The following GLIS3 variants were observed in gnomAD, a reference collection of about 807,000 sequenced individuals.
The protein encoded by GLIS3 is zinc finger protein GLIS3.
A neutral mutation model predicts 78.6 loss-of-function variants in GLIS3; 53 were observed. The observed-to-expected ratio is 0.67, with a 90% CI of 0.54 to 0.85. The LOEUF is 0.85. GLIS3 is among the 40% of genes least tolerant of loss of function. The pLI is 0.00. For missense variants in GLIS3, 1,703 were observed against 1,231.1 expected (o/e 1.38, Z -5.74); for synonymous variants, 684 against 509.9 (o/e 1.34, Z -4.60).
At chr9:4,416,984 T>C in the GLIS3 span, among the ~76,000 whole-genome samples, 1 of 152,132 alleles carries the variant, frequency 6.6e-6, no homozygotes, top group Non-Finnish European at 1.5e-5. Flanking sequence ...TGTGAATTTA[T>C]CTGCCAGTGT....
chr9:4,057,350 T>A (rs887904438), intron 4 of GLIS3, among the ~76,000 whole-genome samples: 4 of 152,194 alleles, frequency 2.6e-5, no homozygotes, highest in African/African-American at 9.7e-5. Context: ...CTCGTTCTCC[T>A]TTATTTAGGA....
chr9:4,275,117 C>T (rs1826864037), intron 2 of GLIS3, among the ~76,000 whole-genome samples: 1 of 152,078 alleles, frequency 6.6e-6, no homozygotes, highest in African/African-American at 2.4e-5. Flanking sequence ...TTAAAGACTT[C>T]ATATAGATAG....
At chr9:3,972,594 C>T (rs1262629998) in intron 4 of GLIS3, among the ~76,000 whole-genome samples, 1 of 152,054 alleles carries the variant, frequency 6.6e-6, no homozygotes, top group East Asian at 1.9e-4. Context: ...GATAGATTAT[C>T]ATAGGGTTAC....
intron 4 of GLIS3, among the ~76,000 whole-genome samples, chr9:4,023,141 C>A (rs1588472877): frequency 6.6e-6 from 1 of 152,128 alleles, no homozygotes; most frequent in Admixed American, 6.5e-5. Context: ...CTCCAGTGAT[C>A]AAATCTTTTT....
At chr9:4,425,179 A>T in the GLIS3 span, among the ~76,000 whole-genome samples, 1 of 152,000 alleles carries the variant, frequency 6.6e-6, no homozygotes, top group Admixed American at 6.6e-5. Context: ...TTATTGCCCA[A>T]CTCCAGATCT....
intron 2 of GLIS3, among the ~76,000 whole-genome samples, chr9:4,140,802 C>CT (rs34672153): frequency 6.7e-6 from 1 of 148,632 alleles, no homozygotes; most frequent in African/African-American, 2.5e-5. Flanking sequence ...TTGAATTTAT[C>CT]TTTTTTTTTT....
intron 1 of GLIS3, among the ~76,000 whole-genome samples, chr9:4,296,059 C>A (rs1368098233): frequency 6.6e-6 from 1 of 151,702 alleles, no homozygotes; most frequent in Non-Finnish European, 1.5e-5. Context: ...AATATAATGC[C>A]CTCTACAGAA....
chr9:3,888,495 T>C (rs1034002715), intron 7 of GLIS3, among the ~76,000 whole-genome samples: 1 of 152,176 alleles, frequency 6.6e-6, no homozygotes, highest in Non-Finnish European at 1.5e-5. Flanking sequence ...GGATGACCTA[T>C]CAATCAACTC....
chr9:4,414,766 A>G, the GLIS3 span, among the ~76,000 whole-genome samples: 1 of 152,132 alleles, frequency 6.6e-6, no homozygotes, highest in Non-Finnish European at 1.5e-5. Context: ...CCCATCCTGC[A>G]TATCTGATCA....
intron 2 of GLIS3, among the ~76,000 whole-genome samples, chr9:4,278,348 A>G (rs970127019): frequency 6.6e-6 from 1 of 152,196 alleles, no homozygotes; most frequent in Non-Finnish European, 1.5e-5. Flanking sequence ...AAAATGCATG[A>G]TTCCAGGTAT....
chr9:4,215,891 T>A (rs1820781845), intron 2 of GLIS3, among the ~76,000 whole-genome samples: 1 of 152,168 alleles, frequency 6.6e-6, no homozygotes, highest in Non-Finnish European at 1.5e-5. Context: ...CAAAAATGGT[T>A]CAAGCAATAT....
intron 4 of GLIS3, among the ~76,000 whole-genome samples, chr9:4,111,354 C>T (rs1374315213): frequency 1.3e-5 from 2 of 152,164 alleles, no homozygotes; most frequent in Non-Finnish European, 2.9e-5. Flanking sequence ...CCTAGAATCA[C>T]AGGGCAAAGA....
chr9:4,406,257 T>C, the GLIS3 span, among the ~76,000 whole-genome samples: 3 of 152,150 alleles, frequency 2.0e-5, no homozygotes, highest in Non-Finnish European at 4.4e-5. Flanking sequence ...AAAAAGGGCA[T>C]CCCAACTGGA....
At position 3,937,153 on chromosome 9, in the gene GLIS3, T is replaced by A; in HGVS notation, c.1747A>T (p.Asn583Tyr). ...GCEKAFSRLE[N>Y]LKIHLRSHTG... ...TGGCTCCGCAAGTGGATCTTGAGAT[T>A]TTCAAGCCTTGAAAAGGCCTTCTCG... is the stretch of plus-strand genomic sequence containing the variant. Residue 583 changes from asparagine to tyrosine, a missense_variant, in exon 5 of 11, where the codon AAT (asparagine) becomes TAT (tyrosine). Coordinates refer to ENST00000381971, the MANE Select transcript of GLIS3 (RefSeq NM_001042413.2). The A allele has an allele frequency of 6.2e-7, 1 of 1,614,172 alleles. No individual in the cohort carries two copies. The highest frequency in any genetic ancestry group is 8.5e-7 in the Non-Finnish European group (1 of 1,180,020).
chr9:4,081,858 T>C (rs748329321), intron 4 of GLIS3, among the ~76,000 whole-genome samples: 6 of 152,190 alleles, frequency 3.9e-5, no homozygotes, highest in Admixed American at 6.5e-5. Flanking sequence ...AAATGACTAA[T>C]GGTAAATTGT....
intron 5 of GLIS3, among the ~76,000 whole-genome samples, chr9:3,934,264 C>T (rs1167193248): frequency 1.3e-5 from 2 of 152,102 alleles, no homozygotes; most frequent in African/African-American, 2.4e-5. Context: ...TACTGGCGAT[C>T]CCATTGTAAA....
At position 3,879,591 on chromosome 9, in the gene GLIS3, G is replaced by A; in HGVS notation, c.2133C>T (p.Pro711=). 9.3e-6 allele frequency: 15 copies of A among 1,613,970 alleles called. No individual in the cohort carries two copies. Among genetic ancestry groups the A allele is most frequent in the Non-Finnish European group, 1.3e-5 (15 of 1,179,956 alleles). ...PGPGPDLYSA[P]IFSSNYSSRS... Reference sequence around the variant, plus strand: ...GGCTTGAATAATTGCTGGAGAAAATGGGAGCTGAAATCAAGGGAGAACAAA... The same window carrying A: ...GGCTTGAATAATTGCTGGAGAAAATAGGAGCTGAAATCAAGGGAGAACAAA... Residue 711 remains proline (P), a synonymous_variant, in exon 8 of 11, where the codon CCC becomes CCT. Transcript: ENST00000381971.
chr9:4,011,764 C>T (rs192038539), intron 4 of GLIS3, among the ~76,000 whole-genome samples: 320 of 152,332 alleles, frequency 2.1e-3, no homozygotes, highest in South Asian at 4.8e-3. Flanking sequence ...TACTCTGACA[C>T]TTCATTTTCA....
At chr9:3,962,950 G>GC in intron 4 of GLIS3, among the ~76,000 whole-genome samples, 1 of 150,502 alleles carries the variant, frequency 6.6e-6, no homozygotes, top group East Asian at 1.9e-4. Context: ...GATTTAAGGG[G>GC]GGGGGGGGGA....
Sources: allele counts gnomAD v4.1 joint callset (sites outside exome capture counted in the v4.1 genomes callset), GRCh38; gene constraint gnomAD v4.1.1; transcripts MANE v1.5; gene names NCBI Gene and HGNC (gene_info 2026-07-23, HGNC 2026-07-21).